The following SLC22A11 variants were observed in gnomAD, a reference collection of about 807,000 sequenced individuals.
SLC22A11 encodes organic anion transporter 4.
Under a neutral mutation model 49.4 loss-of-function variants are expected in SLC22A11, and 42 were observed. The ratio of observed to expected loss-of-function variants is 0.85; its 90% CI spans 0.66 to 1.10. The LOEUF (loss-of-function observed/expected upper bound fraction) is 1.10. Ranked by LOEUF, SLC22A11 falls within the 50% of genes least tolerant of loss-of-function variation. SLC22A11 has a pLI of 0.00. For missense variants in SLC22A11, 685 were observed against 731.6 expected, an observed-to-expected ratio of 0.94 and a Z score of 0.74; for synonymous variants, 304 against 315.8, an observed-to-expected ratio of 0.96 and a Z score of 0.40.
At chr11:64,569,912 T>A (rs185640375) in intron 9 of SLC22A11, 54 bp downstream of exon 9, 111 of 1,579,902 alleles carry the variant, frequency 7.0e-5, no homozygotes, top group Non-Finnish European at 8.2e-5. Context: ...TGGGCCAAGA[T>A]GGAGACAGGC....
chr11:64,559,305 G>A (rs956266989), intron 2 of SLC22A11, 67 bp downstream of exon 2: 6 of 1,265,890 alleles, frequency 4.7e-6, no homozygotes, highest in Non-Finnish European at 5.4e-6. Flanking sequence ...TGGGGCAGAA[G>A]GTTCAGAAAT....
Position 64,562,194 on chromosome 11 carries a change from G to T in SLC22A11, c.652+36G>T, listed in dbSNP as rs767093385. On this transcript the variant is annotated intron_variant, in intron 3 of 9. Coordinates refer to ENST00000301891, the MANE Select transcript of SLC22A11 (RefSeq NM_018484.4). The surrounding 1 kb of genome is among the most constrained non-coding windows in gnomAD (Gnocchi z 4.4). ...GGCTCAGCGCGCTCCTGCCATGGGG[G>T]CGGGGGTGGCAGGAGAGAATGGGGC... 6.2e-6 allele frequency: 10 copies of T among 1,606,822 alleles called. No individual in the cohort carries two copies. The highest frequency in any genetic ancestry group is 8.5e-6 in the Non-Finnish European group (10 of 1,175,202).
At position 64,567,696 on chromosome 11, in the gene SLC22A11, T is replaced by C; in HGVS notation, c.1156T>C (p.Phe386Leu). ...CCAGGCCCTCTTCGGGGCCGTGGACTTCCTGGGCCGGGCCACCACTGCCCT... is the reference window on the plus strand; with the variant it reads ...CCAGGCCCTCTTCGGGGCCGTGGACCTCCTGGGCCGGGCCACCACTGCCCT... ...LLQALFGAVD[F>L]LGRATTALLL... Residue 386 changes from phenylalanine to leucine, a missense_variant, in exon 7 of 10, where the codon TTC becomes CTC. By Grantham distance (22) the Phe-to-Leu change is conservative. Coordinates refer to ENST00000301891, the MANE Select transcript of SLC22A11 (RefSeq NM_018484.4). 1 of 1,613,982 alleles carries C rather than the reference T, an allele frequency of 6.2e-7. No homozygotes were observed. The highest frequency in any genetic ancestry group is 8.5e-7 in the Non-Finnish European group (1 of 1,180,022).
rs987399866 is a variant in SLC22A11, at chr11:64,565,392, A to G, written c.1058+55A>G. The G allele has an allele frequency of 1.4e-5, 20 of 1,409,292 alleles. No homozygotes were observed. In the African/African-American group the frequency reaches 2.0e-4, roughly 14 times the overall value. The allele number at this position is 1,409,292 out of a possible 1,614,324, so 87.3% of individuals were successfully genotyped here. A position where few individuals can be genotyped will look rare whatever the true frequency, so the allele number is the denominator to read the frequency against. On this transcript the variant is annotated intron_variant, in intron 6 of 9. Transcript: ENST00000301891. This position sits in a 1 kb window ranked among gnomAD's most constrained non-coding sequence, Gnocchi z 4.1. The stretch of plus-strand genomic sequence containing the variant: ...CAGGGCTGGGACAGGCAGGAGGCAG[A>G]GCTGGGACAGGCAGGAGGCAGAGCG...
At chr11:64,560,455 A>G (rs2038528021) in intron 2 of SLC22A11, among the ~76,000 whole-genome samples, 1 of 151,758 alleles carries the variant, frequency 6.6e-6, no homozygotes, top group African/African-American at 2.4e-5. Flanking sequence ...ATCCACCCCC[A>G]GCTCCACCAG....
chr11:64,559,866 C>T (rs771178898), intron 2 of SLC22A11, among the ~76,000 whole-genome samples: 2 of 152,174 alleles, frequency 1.3e-5, no homozygotes, highest in Non-Finnish European at 2.9e-5. Flanking sequence ...GGAAACGTCT[C>T]GTACCAGGTG....
In SLC22A11 at chr11:64,564,149, T is replaced by G. The variant is rs2038589934; in HGVS notation, c.822-159T>G. Among the ~76,000 whole-genome samples the G allele has an allele frequency of 6.6e-6, 1 of 152,128 alleles. No individual in the cohort carries two copies. Among genetic ancestry groups the G allele is most frequent in the Admixed American group, 6.5e-5 (1 of 15,280 alleles). On this transcript the variant is annotated intron_variant, in intron 4 of 9. Transcript: ENST00000301891. The surrounding 1 kb of genome is among the most constrained non-coding windows in gnomAD (Gnocchi z 4.2). ...GGACTCAGCTTTATTCTGAAACCGC[T>G]GGGGACTGCCAGGCTCCTGGCTGGG...
chr11:64,563,254 A>G (rs188246416), intron 4 of SLC22A11, among the ~76,000 whole-genome samples: 34 of 152,286 alleles, frequency 2.2e-4, no homozygotes, highest in Non-Finnish European at 2.8e-4. Flanking sequence ...AGTTTATAAC[A>G]CTAGGTGCGT....
At position 64,564,270 on chromosome 11, in the gene SLC22A11, C is replaced by G. The variant is rs1198938955; in HGVS notation, c.822-38C>G. 1 of 1,612,268 alleles carries G rather than the reference C, an allele frequency of 6.2e-7. No homozygotes were observed. Among genetic ancestry groups the G allele is most frequent in the Admixed American group, 1.7e-5 (1 of 59,906 alleles). On this transcript the variant is annotated intron_variant, in intron 4 of 9. Coordinates refer to ENST00000301891, the MANE Select transcript of SLC22A11 (RefSeq NM_018484.4). This position sits in a 1 kb window ranked among gnomAD's most constrained non-coding sequence, Gnocchi z 4.2. The stretch of plus-strand genomic sequence containing the variant: ...TTCCACCCCGCCCCGGGGGAGAGCC[C>G]AGCGTGCACTCCCAGCTACACACCT...
At chr11:64,568,819 C>T (rs775050626) in intron 8 of SLC22A11, 41 bp downstream of exon 8, 26 of 1,565,296 alleles carry the variant, frequency 1.7e-5, no homozygotes, top group South Asian at 8.9e-5. Flanking sequence ...CCAGCAGGGC[C>T]GTCCTGAGAG....
rs1384915192 is a variant in SLC22A11 at position 64,567,648 on chromosome 11, C to G, written c.1108C>G (p.Leu370Val). The G allele has an allele frequency of 6.2e-7, 1 of 1,614,112 alleles. No homozygotes were observed. Among genetic ancestry groups the G allele is most frequent in the Admixed American group, 1.7e-5 (1 of 60,028 alleles). Residue 370 changes from leucine (L) to valine (V), a missense_variant, in exon 7 of 10, where the codon CTG becomes GTG. Physicochemically the swap from Leu to Val is conservative, Grantham distance 32. Coordinates refer to ENST00000301891, the MANE Select transcript of SLC22A11 (RefSeq NM_018484.4). Reference protein sequence around the residue: ...YYGLVFDLQSLGRDIFLLQAL... With the variant: ...YYGLVFDLQSVGRDIFLLQAL... ...TGGGCTGGTCTTCGACCTGCAGAGC[C>G]TGGGCCGTGACATCTTCCTCCTCCA...
chr11:64,556,161 G>A lies in SLC22A11; in HGVS notation c.162G>A (p.Leu54=), dbSNP rs1467611666. 7 of 1,614,188 alleles carry A rather than the reference G, an allele frequency of 4.3e-6. No homozygotes were observed. The highest frequency in any genetic ancestry group is 5.9e-6 in the Non-Finnish European group (7 of 1,180,036). ...GCCACCGATGCTGGACACACATGCTGGACAATGGCTCTGCGGTTTCCACAA... is the reference window on the plus strand; with the variant it reads ...GCCACCGATGCTGGACACACATGCTAGACAATGGCTCTGCGGTTTCCACAA... ...IPGHRCWTHM[L]DNGSAVSTNM... Residue 54 remains leucine, a synonymous_variant, in exon 1 of 10, where the codon CTG becomes CTA. Transcript: ENST00000301891.
Position 64,571,160 on chromosome 11 carries a change from A to G in SLC22A11, c.*118A>G, listed in dbSNP as rs1023976808. ...TCAAGGGCCTGGCATGGCAGAGGCC[A>G]GGCAGCCGTGGCCGAGTGGACAGCG... On this transcript the variant is annotated 3_prime_UTR_variant, in exon 10 of 10. Transcript: ENST00000301891. 90 of 1,155,080 alleles carry G rather than the reference A, an allele frequency of 7.8e-5. No homozygotes were observed. Among genetic ancestry groups the G allele is most frequent in the Middle Eastern group, 7.6e-4 (3 of 3,952 alleles). 71.6% of individuals were successfully genotyped at this position (1,155,080 alleles called of 1,614,324 possible).
chr11:64,564,611 C>G lies in SLC22A11; in HGVS notation c.942+183C>G, dbSNP rs897681446. Among the ~76,000 whole-genome samples the G allele has an allele frequency of 1.3e-5, 2 of 151,882 alleles. No individual in the cohort carries two copies. The highest frequency in any genetic ancestry group is 4.8e-5 in the African/African-American group (2 of 41,322). On this transcript the variant is annotated intron_variant, in intron 5 of 9. Coordinates refer to ENST00000301891, the MANE Select transcript of SLC22A11 (RefSeq NM_018484.4). The surrounding 1 kb of genome is among the most constrained non-coding windows in gnomAD (Gnocchi z 4.2). Reference sequence around the variant, plus strand: ...CACACAGACACCACCACCACCACCACCAATCCCGATACCATCACCAACAGC... The same window carrying G: ...CACACAGACACCACCACCACCACCAGCAATCCCGATACCATCACCAACAGC...
Position 64,571,730 on chromosome 11 carries a change from A to C in SLC22A11, c.*688A>C, listed in dbSNP as rs2038706606. ...CAGCCCTATGGTTACGAAGACGGCC[A>C]AACACACCACCAAACACCAGACAGA... On this transcript the variant is annotated 3_prime_UTR_variant, in exon 10 of 10. Transcript: ENST00000301891. 6.6e-6 allele frequency: 1 copy of C among 152,600 alleles called. No individual in the cohort carries two copies. The highest frequency in any genetic ancestry group is 2.4e-5 in the African/African-American group (1 of 41,478). 9.5% of individuals were successfully genotyped at this position (152,600 alleles called of 1,614,324 possible).
In SLC22A11 at chr11:64,556,236, C is replaced by T. The variant is rs775710434; in HGVS notation, c.237C>T (p.Asn79=). 12 of 1,613,844 alleles carry T rather than the reference C, an allele frequency of 7.4e-6. No individual in the cohort carries two copies. The highest frequency in any genetic ancestry group is 3.3e-4 in the Middle Eastern group (2 of 6,084). The stretch of plus-strand genomic sequence containing the variant: ...CCATCTCCATCCCGCCAGGCCCCAA[C>T]CAGGGGCCCCACCAGTGCCGCCGCT... ...LLTISIPPGP[N]QGPHQCRRFR... Residue 79 remains asparagine, a synonymous_variant, in exon 1 of 10, where the codon AAC becomes AAT. Transcript: ENST00000301891.
In SLC22A11 at chr11:64,564,231, T is replaced by G; in HGVS notation, c.822-77T>G. 6.3e-7 allele frequency: 1 copy of G among 1,580,196 alleles called. No homozygotes were observed. Among genetic ancestry groups the G allele is most frequent in the Non-Finnish European group, 8.6e-7 (1 of 1,158,050 alleles). ...TCACTCATCTCAGCTGGAGGGTCCG[T>G]GCCCACTGCCCCTTTCCACCCCGCC... On this transcript the variant is annotated intron_variant, in intron 4 of 9. Coordinates refer to ENST00000301891, the MANE Select transcript of SLC22A11 (RefSeq NM_018484.4). The surrounding 1 kb of genome is among the most constrained non-coding windows in gnomAD (Gnocchi z 4.2).
rs2038706296 is a variant in SLC22A11 at position 64,571,708 on chromosome 11, C to G, written c.*666C>G. The stretch of plus-strand genomic sequence containing the variant: ...CTCATCAGTGAGGGAGGGCTTCCAG[C>G]CCTATGGTTACGAAGACGGCCAAAC... On this transcript the variant is annotated 3_prime_UTR_variant, in exon 10 of 10. Coordinates refer to ENST00000301891, the MANE Select transcript of SLC22A11 (RefSeq NM_018484.4). 6.6e-6 allele frequency: 1 copy of G among 152,534 alleles called. No homozygotes were observed. The highest frequency in any genetic ancestry group is 1.5e-5 in the Non-Finnish European group (1 of 68,288). The allele number at this position is 152,534 out of a possible 1,614,324, so 9.4% of individuals were successfully genotyped here.
intron 7 of SLC22A11, 76 bp downstream of exon 7, chr11:64,567,889 A>G (rs375633187): frequency 3.5e-6 from 5 of 1,428,704 alleles, no homozygotes; most frequent in African/African-American, 1.4e-5. Context: ...GTGGGGCCAC[A>G]TCCCCTCCCT....
Sources: gnomAD v4.1 joint callset for allele counts (sites outside exome capture counted in the v4.1 genomes callset) on GRCh38, gnomAD v4.1.1 for gene constraint, Gnocchi (gnomAD v3.1) non-coding constraint, MANE v1.5 for transcripts, NCBI Gene and HGNC (gene_info 2026-07-23, HGNC 2026-07-21) for gene names.